Variants in CNTNAP2 observed in about 807,000 individuals in gnomAD.
CNTNAP2 encodes contactin associated protein 2.
Under a neutral mutation model 155.2 loss-of-function variants are expected in CNTNAP2, and 98 were observed. That is an observed-to-expected ratio of 0.63 (90% CI 0.54 to 0.75). The LOEUF is 0.75. CNTNAP2 is among the 30% of genes least tolerant of loss of function. The pLI, the probability that CNTNAP2 is intolerant of heterozygous loss-of-function variation, is 0.00. For synonymous variants in CNTNAP2, 651 were observed against 631.2 expected (o/e 1.03, Z -0.47); for missense variants, 1,727 against 1,688.1 (o/e 1.02, Z -0.40).
chr7:147,292,164 T>C (rs73742522), intron 8 of CNTNAP2, among the ~76,000 whole-genome samples: 7,719 of 152,244 alleles, frequency 0.051, 250 homozygotes, highest in African/African-American at 0.087. Context: ...CTGAAAATAT[T>C]CTGTTTTCTT....
intron 13 of CNTNAP2, among the ~76,000 whole-genome samples, chr7:147,777,442 A>G (rs1391856202): frequency 2.6e-5 from 4 of 152,182 alleles, no homozygotes; most frequent in Non-Finnish European, 5.9e-5. Context: ...AGACACATAC[A>G]AATGTCATCT....
In CNTNAP2 at chr7:147,383,978, G is replaced by A. The variant is rs180993870; in HGVS notation, c.1499-11631G>A. On this transcript the variant is annotated intron_variant, in intron 9 of 23. Coordinates refer to ENST00000361727, the MANE Select transcript of CNTNAP2 (RefSeq NM_014141.6). ...AAATTAGTAGTTGAAGATCTAAAATGAAAAAAATTTATAGAAAAATTTTAA... is the reference window on the plus strand; with the variant it reads ...AAATTAGTAGTTGAAGATCTAAAATAAAAAAAATTTATAGAAAAATTTTAA... 1.9e-3 allele frequency among the ~76,000 whole-genome samples: 282 copies of A among 152,056 alleles called. 4 individuals are homozygous for A. Among genetic ancestry groups the A allele is most frequent in the Admixed American group, 0.018 (275 of 15,262 alleles).
intron 1 of CNTNAP2, among the ~76,000 whole-genome samples, chr7:146,734,818 C>T (rs998656711): frequency 6.6e-6 from 1 of 152,168 alleles, no homozygotes; most frequent in African/African-American, 2.4e-5. Flanking sequence ...CTCAAGGAAT[C>T]TCGATGTGTT....
rs369254596 is a variant in CNTNAP2, at chr7:148,217,456, C to G, written c.3179C>G (p.Ala1060Gly). 6.2e-7 allele frequency: 1 copy of G among 1,614,166 alleles called. No homozygotes were observed. The highest frequency in any genetic ancestry group is 8.5e-7 in the Non-Finnish European group (1 of 1,180,032). ...EIRFSFSTTK[A>G]PCILLYISSF... The stretch of plus-strand genomic sequence containing the variant: ...CGCTTCAGCTTCAGCACCACCAAGG[C>G]GCCCTGCATTCTCCTCTACATCAGC... The change falls in exon 19 of 24, where the codon GCG (alanine) becomes GGG (glycine). Residue 1060 changes from alanine (A) to glycine (G), a missense_variant. Ala to Gly is a moderately conservative substitution (Grantham distance 60). Coordinates refer to ENST00000361727, the MANE Select transcript of CNTNAP2 (RefSeq NM_014141.6).
intron 4 of CNTNAP2, among the ~76,000 whole-genome samples, chr7:147,070,268 G>A (rs913129463): frequency 3.9e-5 from 6 of 152,068 alleles, no homozygotes; most frequent in African/African-American, 1.4e-4. Context: ...ATCTTTTGAG[G>A]GGGACTAGAT....
chr7:148,038,099 T>C (rs1450690777), intron 15 of CNTNAP2, among the ~76,000 whole-genome samples: 1 of 152,258 alleles, frequency 6.6e-6, no homozygotes, highest in Non-Finnish European at 1.5e-5. Flanking sequence ...TAGATCATTA[T>C]AGTTTACATC....
In CNTNAP2 at chr7:148,244,649, G is replaced by A. The variant is rs181866949; in HGVS notation, c.3381+14870G>A. 2.7e-3 allele frequency among the ~76,000 whole-genome samples: 411 copies of A among 150,604 alleles called. 1 individual carries two copies. Among genetic ancestry groups the A allele is most frequent in the Middle Eastern group, 0.01 (3 of 286 alleles). ...ATGATCTCAGCTCACTGCAGCCTCCGCCTCCTGGGCTCAAGCGATCCTCCT... is the reference window on the plus strand; with the variant it reads ...ATGATCTCAGCTCACTGCAGCCTCCACCTCCTGGGCTCAAGCGATCCTCCT... On this transcript the variant is annotated intron_variant, in intron 20 of 23. Coordinates refer to ENST00000361727, the MANE Select transcript of CNTNAP2 (RefSeq NM_014141.6).
At chr7:146,404,141 A>AAAAAAAAAAAAAAAAAAAAAAAC (rs1367526173) in intron 1 of CNTNAP2, among the ~76,000 whole-genome samples, 2 of 147,426 alleles carry the variant, frequency 1.4e-5, no homozygotes, top group African/African-American at 5.3e-5. Flanking sequence ...AAAAAAAAAA[A>AAAAAAAAAAAAAAAAAAAAAAAC]ACAAAGAACT....
intron 15 of CNTNAP2, among the ~76,000 whole-genome samples, chr7:148,088,402 A>T (rs996017642): frequency 6.6e-6 from 1 of 151,880 alleles, no homozygotes; most frequent in Non-Finnish European, 1.5e-5. Flanking sequence ...GGAAAAAAAT[A>T]AACAAAATCA....
chr7:147,153,404 G>A (rs986334906), intron 8 of CNTNAP2, among the ~76,000 whole-genome samples: 8 of 152,094 alleles, frequency 5.3e-5, no homozygotes, highest in African/African-American at 1.9e-4. Context: ...GAGAATAAGA[G>A]GGATTTGGAG....
At chr7:147,698,438 G>A (rs953311559) in intron 13 of CNTNAP2, among the ~76,000 whole-genome samples, 1 of 152,068 alleles carries the variant, frequency 6.6e-6, no homozygotes, top group African/African-American at 2.4e-5. Context: ...TGATAGATTT[G>A]TTTTAAAATA....
intron 10 of CNTNAP2, among the ~76,000 whole-genome samples, chr7:147,428,412 C>T (rs142300971): frequency 6.6e-6 from 1 of 152,214 alleles, no homozygotes; most frequent in African/African-American, 2.4e-5. Context: ...CCCTCTCTCA[C>T]ACTTTTCTTT....
intron 4 of CNTNAP2, chr7:147,085,608 T>G (rs1204731986): frequency 6.6e-6 from 1 of 152,128 alleles, no homozygotes; most frequent in Admixed American, 6.6e-5. Context: ...AGGTGATATC[T>G]CTCCTAGAAC....
At chr7:147,980,548 CA>C (rs1801504052) in intron 15 of CNTNAP2, among the ~76,000 whole-genome samples, 1 of 152,052 alleles carries the variant, frequency 6.6e-6, no homozygotes, top group African/African-American at 2.4e-5. Flanking sequence ...CATTGTTTTC[CA>C]GGCAACCGAG....
chr7:148,063,266 T>A (rs1488419590), intron 15 of CNTNAP2, among the ~76,000 whole-genome samples: 1 of 152,074 alleles, frequency 6.6e-6, no homozygotes, highest in Non-Finnish European at 1.5e-5. Flanking sequence ...CTCTGGCTGC[T>A]TTTAAGAATG....
At position 147,312,712 on chromosome 7, in the gene CNTNAP2, C is replaced by T. The variant is rs1276427370; in HGVS notation, c.1498+12422C>T. ...GTCTTTGCTATTGTGAATAGTGCTG[C>T]AATAAACATACGTGTATTTGTGTCT... is the stretch of plus-strand genomic sequence containing the variant. On this transcript the variant is annotated intron_variant, in intron 9 of 23. Transcript: ENST00000361727. 2.8e-5 allele frequency among the ~76,000 whole-genome samples: 3 copies of T among 107,024 alleles called. 1 individual carries two copies. The highest frequency in any genetic ancestry group is 5.4e-5 in the Non-Finnish European group (3 of 56,020). 70.2% of individuals were successfully genotyped at this position (107,024 alleles called of 152,430 possible).
chr7:148,009,313 TGGTTGTACAG>T (rs1563165755), intron 15 of CNTNAP2, among the ~76,000 whole-genome samples: 1 of 152,126 alleles, frequency 6.6e-6, no homozygotes, highest in Non-Finnish European at 1.5e-5. Flanking sequence ...AAAAACAAAA[TGGTTGTACAG>T]GTACTCAAAG....
chr7:148,334,890 T>C (rs940559154), intron 21 of CNTNAP2, among the ~76,000 whole-genome samples: 1 of 152,152 alleles, frequency 6.6e-6, no homozygotes, highest in Admixed American at 6.5e-5. Context: ...TTTCATGATA[T>C]CAAGACTCTA....
chr7:146,303,904 G>A (rs948633597), intron 1 of CNTNAP2, among the ~76,000 whole-genome samples: 2 of 152,072 alleles, frequency 1.3e-5, no homozygotes, highest in Admixed American at 6.5e-5. Context: ...GAGAGTCTAA[G>A]TCTCTTTGTA....
Sources: allele counts gnomAD v4.1 joint callset (sites outside exome capture counted in the v4.1 genomes callset), GRCh38; gene constraint gnomAD v4.1.1; transcripts MANE v1.5; gene names NCBI Gene and HGNC (gene_info 2026-07-23, HGNC 2026-07-21).